Variants in ANKMY1 observed in about 807,000 individuals in gnomAD.
ANKMY1 encodes ankyrin repeat and MYND domain-containing protein 1.
A neutral mutation model predicts 102.0 loss-of-function variants in ANKMY1; 98 were observed. The ratio of observed to expected loss-of-function variants is 0.96; its 90% CI spans 0.82 to 1.14. The LOEUF is 1.14. ANKMY1 is among the 50% of genes most tolerant of loss of function. The probability of loss-of-function intolerance (pLI) is 0.00; values close to 1 mark genes in which losing one functional copy is unlikely to be tolerated. For synonymous variants in ANKMY1, 582 were observed against 559.9 expected, an observed-to-expected ratio of 1.04 and a Z score of -0.56; for missense variants, 1,330 against 1,347.6, an observed-to-expected ratio of 0.99 and a Z score of 0.20.
chr2:240,526,113 G>A, intron 6 of ANKMY1, 116 bp downstream of exon 6: 1 of 1,257,378 alleles, frequency 8.0e-7, no homozygotes, highest in South Asian at 1.3e-5. Context: ...TGGACAATCA[G>A]TGTCCCCATG....
At chr2:240,519,557 C>T (rs1247394358) in intron 9 of ANKMY1, among the ~76,000 whole-genome samples, 3 of 152,120 alleles carry the variant, frequency 2.0e-5, no homozygotes, top group East Asian at 3.9e-4. Context: ...GGGCAGCGAC[C>T]GATTCCATTC....
At chr2:240,490,259 T>G (rs2076493816) in intron 15 of ANKMY1, among the ~76,000 whole-genome samples, 2 of 152,204 alleles carry the variant, frequency 1.3e-5, no homozygotes, top group African/African-American at 4.8e-5. Context: ...CTGTATTTTT[T>G]CTCTATTTCA....
chr2:240,500,683 G>A (rs2078029007), intron 13 of ANKMY1, 118 bp from the exon 14 acceptor site: 1 of 800,240 alleles, frequency 1.2e-6, no homozygotes, highest in Non-Finnish European at 2.0e-6. Flanking sequence ...CGCCCTTGCA[G>A]TGTGCGGGAA....
At chr2:240,512,690 A>C (rs1233793018) in intron 10 of ANKMY1, 112 bp downstream of exon 10, 13 of 1,372,378 alleles carry the variant, frequency 9.5e-6, no homozygotes, top group Non-Finnish European at 1.3e-5. Flanking sequence ...CCCAGGCCCC[A>C]AGCCAGGAGG....
At chr2:240,519,855 C>CT (rs1553577990) in intron 9 of ANKMY1, 2 of 250,488 alleles carry the variant, frequency 8.0e-6, no homozygotes, top group Non-Finnish European at 1.7e-5. Flanking sequence ...AAGAAGCCGT[C>CT]CGCTGGGAAA....
In ANKMY1 at chr2:240,512,809, G is replaced by T. The variant is rs1395073517; in HGVS notation, c.2138C>A (p.Pro713His). ...KASDEDDTYK[P>H]GKLDLLPSSL... is the part of the protein sequence containing the mutation. ...AGGTCGCGAGGTACACACCTTGCCG[G>T]GCTTGTAAGTGTCGTCCTCGTCGGA... Residue 713 changes from proline (P) to histidine (H), a missense_variant, in exon 10 of 18, where the codon CCC (proline) becomes CAC (histidine). Transcript: ENST00000401804. The T allele has an allele frequency of 1.2e-6, 2 of 1,613,814 alleles. No homozygotes were observed. Among genetic ancestry groups the T allele is most frequent in the African/African-American group, 1.3e-5 (1 of 75,072 alleles).
In ANKMY1 at chr2:240,557,935, G is replaced by GCCA; in HGVS notation, c.-75_-73dup. ...CAGCAGGGAGACCGACGGGACTGCA[G>GCCA]CCACCGCGGACGCCCGCGCTCCCGT... On this transcript the variant is annotated 5_prime_UTR_variant, in exon 1 of 18. Transcript: ENST00000401804. 1.0e-6 allele frequency: 1 copy of GCCA among 985,654 alleles called. No homozygotes were observed. The highest frequency in any genetic ancestry group is 1.2e-6 in the Non-Finnish European group (1 of 830,102). The allele number at this position is 985,654 out of a possible 1,614,324, so 61.1% of individuals were successfully genotyped here.
Position 240,520,454 on chromosome 2 carries a change from C to A in ANKMY1, c.1912G>T (p.Val638Phe), listed in dbSNP as rs1377746477. ...DPNLCCVPMQ[V>F]LFLAVKAGDV... ...CCGGCCTTCACAGCAAGGAACAGGACCTGCATGGGCACGCAGCACAGGTTG... is the reference window on the plus strand; with the variant it reads ...CCGGCCTTCACAGCAAGGAACAGGAACTGCATGGGCACGCAGCACAGGTTG... The change falls in exon 9 of 18, where the codon GTC (valine) becomes TTC (phenylalanine). Residue 638 changes from valine (V) to phenylalanine (F), a missense_variant. Physicochemically the swap from Val to Phe is conservative, Grantham distance 50. Coordinates refer to ENST00000401804, the MANE Select transcript of ANKMY1 (RefSeq NM_001282771.3). This position sits in a 1 kb window ranked among gnomAD's most constrained non-coding sequence, Gnocchi z 4.8. The A allele has an allele frequency of 1.2e-6, 2 of 1,613,326 alleles. No homozygotes were observed. Among genetic ancestry groups the A allele is most frequent in the Non-Finnish European group, 1.7e-6 (2 of 1,179,802 alleles).
Position 240,529,961 on chromosome 2 carries a change from AGAG to A in ANKMY1, c.481-455_481-453del, listed in dbSNP as rs138792526. The stretch of plus-strand genomic sequence containing the variant: ...AAGGAGGAGGAGATAGAGGAAAGGA[AGAG>A]GAGGAGGAGGAAGAGGAAGGAGGGA... On this transcript the variant is annotated intron_variant, in intron 4 of 17. Transcript: ENST00000401804. This position sits in a 1 kb window ranked among gnomAD's most constrained non-coding sequence, Gnocchi z 4.2. Among the ~76,000 whole-genome samples the A allele has an allele frequency of 0.066, 10,048 of 151,826 alleles. 404 individuals carry two copies. Among genetic ancestry groups the A allele is most frequent in the Middle Eastern group, 0.2 (60 of 294 alleles).
intron 4 of ANKMY1, among the ~76,000 whole-genome samples, chr2:240,532,710 G>T (rs950390749): frequency 6.6e-6 from 1 of 152,166 alleles, no homozygotes; most frequent in African/African-American, 2.4e-5. Context: ...TTACAGCCAT[G>T]AATCCATCAC....
At chr2:240,519,852 CG>C (rs1553577978) in intron 9 of ANKMY1, 2 of 251,322 alleles carry the variant, frequency 8.0e-6, no homozygotes, top group Non-Finnish European at 1.7e-5. Context: ...GGGAAGAAGC[CG>C]TCCGCTGGGA....
intron 7 of ANKMY1, 49 bp from the exon 8 acceptor site, chr2:240,524,430 C>G: frequency 6.5e-7 from 1 of 1,548,000 alleles, no homozygotes; most frequent in Non-Finnish European, 8.7e-7. Flanking sequence ...GGAGTGATAA[C>G]CTCATTCTAG....
intron 15 of ANKMY1, among the ~76,000 whole-genome samples, chr2:240,497,586 T>C (rs1240671659): frequency 6.6e-6 from 1 of 152,242 alleles, no homozygotes; most frequent in Non-Finnish European, 1.5e-5. Flanking sequence ...AGACTTGTTA[T>C]GACCACAGGA....
At chr2:240,526,133 T>A in intron 6 of ANKMY1, 96 bp downstream of exon 6, 1 of 1,438,844 alleles carries the variant, frequency 7.0e-7, no homozygotes, top group Non-Finnish European at 9.7e-7. Flanking sequence ...GTACCTCAGC[T>A]CTGCTCCTGC....
At chr2:240,497,850 G>A (rs921355813) in intron 15 of ANKMY1, among the ~76,000 whole-genome samples, 1 of 152,210 alleles carries the variant, frequency 6.6e-6, no homozygotes, top group Non-Finnish European at 1.5e-5. Flanking sequence ...GGGACAATGG[G>A]ATACTTCTCC....
the ANKMY1 span, among the ~76,000 whole-genome samples, chr2:240,474,398 C>T: frequency 2.6e-3 from 394 of 151,742 alleles, 2 homozygotes; most frequent in African/African-American, 9.2e-3. Flanking sequence ...TGAGCCACCG[C>T]GCCAGGCCAA....
chr2:240,506,673 TTTCTCCC>T lies in ANKMY1; in HGVS notation c.2526+880_2526+886del, dbSNP rs1183166818. 2.8e-5 allele frequency among the ~76,000 whole-genome samples: 4 copies of T among 144,936 alleles called. No individual in the cohort carries two copies. The highest frequency in any genetic ancestry group is 5.0e-5 in the African/African-American group (2 of 39,726). On this transcript the variant is annotated intron_variant, in intron 13 of 17. Transcript: ENST00000401804. The surrounding 1 kb of genome is among the most constrained non-coding windows in gnomAD (Gnocchi z 4.9). ...CTCACCCCCCTCCTCCTTCCCCCTT[TTTCTCCC>T]TCAGACAGGTAAGAACCAAAGTGTG...
chr2:240,500,130 C>T lies in ANKMY1; in HGVS notation c.2641-7G>A. ...AGCGGGCAATCCTCCGGTCCTGCGG[C>T]ACAGCACCAGGGTCACCACAGGGTC... is the stretch of plus-strand genomic sequence containing the variant. On this transcript the variant is annotated splice_region_variant and splice_polypyrimidine_tract_variant and intron_variant, in intron 14 of 17. Transcript: ENST00000401804. 1.3e-6 allele frequency: 2 copies of T among 1,591,542 alleles called. No individual in the cohort carries two copies. The highest frequency in any genetic ancestry group is 2.3e-5 in the South Asian group (2 of 88,150).
intron 15 of ANKMY1, among the ~76,000 whole-genome samples, chr2:240,495,362 T>C (rs2077120392): frequency 6.6e-6 from 1 of 152,136 alleles, no homozygotes; most frequent in Non-Finnish European, 1.5e-5. Flanking sequence ...GGCCTAACCG[T>C]CTCCCTGTGA....
Sources: allele counts gnomAD v4.1 joint callset (sites outside exome capture counted in the v4.1 genomes callset), GRCh38; gene constraint gnomAD v4.1.1; non-coding constraint Gnocchi (gnomAD v3.1); transcripts MANE v1.5; gene names NCBI Gene and HGNC (gene_info 2026-07-23, HGNC 2026-07-21).